PLD1: variants seen among roughly 807,000 people sequenced by gnomAD.
The protein encoded by PLD1 is phospholipase D1.
In PLD1, 112 loss-of-function variants were observed where a neutral mutation model predicts 137.1. The observed-to-expected ratio is 0.82, with a 90% confidence interval of 0.70 to 0.96. The LOEUF (loss-of-function observed/expected upper bound fraction) is 0.96, where lower values mean the gene tolerates loss of function less well. PLD1 is among the 40% of genes least tolerant of loss of function. PLD1 has a pLI of 0.00. For missense variants in PLD1, 1,321 were observed against 1,342.0 expected (o/e 0.98, Z 0.24); for synonymous variants, 431 against 454.7 (o/e 0.95, Z 0.66).
At chr3:171,748,431 T>A (rs1475039644) in intron 1 of PLD1, among the ~76,000 whole-genome samples, 2 of 152,196 alleles carry the variant, frequency 1.3e-5, no homozygotes, top group Admixed American at 1.3e-4. Flanking sequence ...TGCATTCCTT[T>A]CTTTCACTTC....
chr3:171,711,802 C>G lies in PLD1; in HGVS notation c.911+2091G>C, dbSNP rs145283339. Among the ~76,000 whole-genome samples the G allele has an allele frequency of 5.7e-4, 62 of 108,636 alleles. No individual in the cohort carries two copies. In the East Asian group the frequency reaches 0.015, roughly 26 times the overall value. The allele number at this position is 108,636 out of a possible 152,430, so 71.3% of individuals were successfully genotyped here. A position where few individuals can be genotyped will look rare whatever the true frequency, so the allele number is the denominator to read the frequency against. On this transcript the variant is annotated intron_variant, in intron 9 of 26. Transcript: ENST00000351298. Reference sequence around the variant, plus strand: ...ATAACTAAACTATCCTAAACTCTTACAGAGTTATAAATGCTAAAAAAAAAA... The same window carrying G: ...ATAACTAAACTATCCTAAACTCTTAGAGAGTTATAAATGCTAAAAAAAAAA...
chr3:171,737,902 C>A lies in PLD1; in HGVS notation c.150G>T (p.Lys50Asn). 1 of 1,613,614 alleles carries A rather than the reference C, an allele frequency of 6.2e-7. No individual in the cohort carries two copies. Among genetic ancestry groups the A allele is most frequent in the African/African-American group, 1.3e-5 (1 of 74,970 alleles). ...VDYDVSPSDPKIQEVYIPFSA... is the reference protein window; with the variant it reads ...VDYDVSPSDPNIQEVYIPFSA... ...ATCATCCGTCTTTACCTTCTTGTAT[C>A]TTGGGATCGCTGGGAGACACGTCGT... The change falls in exon 2 of 27, where the codon AAG (lysine) becomes AAT (asparagine). Residue 50 changes from lysine (K) to asparagine (N), a missense_variant. Physicochemically the swap from Lys to Asn is moderately conservative, Grantham distance 94. Transcript: ENST00000351298.
rs36100351 is a variant in PLD1, at chr3:171,768,010, C to CATT, written c.-31-29931_-31-29929dup. The stretch of plus-strand genomic sequence containing the variant: ...ACTTAGGAAATGACTTTTATGTGTT[C>CATT]ATTATTATTATTATTATTATTATTA... On this transcript the variant is annotated intron_variant, in intron 1 of 26. Coordinates refer to ENST00000351298, the MANE Select transcript of PLD1 (RefSeq NM_002662.5). 7.5e-3 allele frequency among the ~76,000 whole-genome samples: 1,110 copies of CATT among 148,908 alleles called. 6 individuals carry two copies. The highest frequency in any genetic ancestry group is 0.021 in the African/African-American group (860 of 40,584).
At chr3:171,667,401 A>G (rs3774037) in intron 19 of PLD1, among the ~76,000 whole-genome samples, 26,946 of 152,272 alleles carry the variant, frequency 0.18, 2,514 homozygotes, top group South Asian at 0.24. Flanking sequence ...CACAGTGTGC[A>G]GTTATTCACA....
At chr3:171,804,201 C>A (rs756848345) in intron 1 of PLD1, among the ~76,000 whole-genome samples, 3 of 152,128 alleles carry the variant, frequency 2.0e-5, no homozygotes, top group Non-Finnish European at 4.4e-5. Flanking sequence ...CAATCCCAAC[C>A]CATGGCTACC....
intron 1 of PLD1, among the ~76,000 whole-genome samples, chr3:171,750,096 A>C (rs1720546516): frequency 6.6e-6 from 1 of 152,250 alleles, no homozygotes; most frequent in Non-Finnish European, 1.5e-5. Context: ...GATGTGCTCC[A>C]TTGTGAAGAG....
chr3:171,689,707 G>A (rs111750520), intron 13 of PLD1, among the ~76,000 whole-genome samples: 7,273 of 152,136 alleles, frequency 0.048, 558 homozygotes, highest in African/African-American at 0.16. Flanking sequence ...TTGCTATGTT[G>A]CTAATGCTGG....
In PLD1 at chr3:171,737,075, G is replaced by A. The variant is rs567852706; in HGVS notation, c.288+457C>T. Among the ~76,000 whole-genome samples the A allele has an allele frequency of 6.6e-4, 100 of 152,328 alleles. 1 individual carries two copies. The Middle Eastern group carries it at 0.024, about 36-fold the overall frequency. ...GTATTTTGAGGTAATGGCACTGGCCGATCCAGTATCCCGGCTTTTTTTCTT... is the reference window on the plus strand; with the variant it reads ...GTATTTTGAGGTAATGGCACTGGCCAATCCAGTATCCCGGCTTTTTTTCTT... On this transcript the variant is annotated intron_variant, in intron 3 of 26. Coordinates refer to ENST00000351298, the MANE Select transcript of PLD1 (RefSeq NM_002662.5).
intron 1 of PLD1, among the ~76,000 whole-genome samples, chr3:171,807,291 T>C (rs920995915): frequency 1.6e-4 from 22 of 136,380 alleles, no homozygotes; most frequent in Non-Finnish European, 2.9e-4. Flanking sequence ...TGAGACCCTG[T>C]CTCAAAAAAA....
intron 23 of PLD1, among the ~76,000 whole-genome samples, chr3:171,625,032 T>C (rs1733965279): frequency 6.6e-6 from 1 of 151,756 alleles, no homozygotes; most frequent in Non-Finnish European, 1.5e-5. Flanking sequence ...GCATAGTTCA[T>C]GCATTCAAAA....
At chr3:171,791,548 C>A (rs1014164679) in intron 1 of PLD1, among the ~76,000 whole-genome samples, 1 of 151,888 alleles carries the variant, frequency 6.6e-6, no homozygotes, top group African/African-American at 2.4e-5. Context: ...AAAAAAATAT[C>A]AGGCCTGTGA....
At chr3:171,791,171 T>G (rs1020636861) in intron 1 of PLD1, among the ~76,000 whole-genome samples, 1 of 152,166 alleles carries the variant, frequency 6.6e-6, no homozygotes, top group East Asian at 1.9e-4. Context: ...TGGAATAGAA[T>G]TTCATATGGC....
chr3:171,674,411 T>G, intron 19 of PLD1, 89 bp downstream of exon 19: 1 of 570,772 alleles, frequency 1.8e-6, no homozygotes, highest in Admixed American at 3.0e-5. Flanking sequence ...CATTGAAAAA[T>G]CTGAAGCCAA....
chr3:171,715,453 G>A (rs1717602437), intron 8 of PLD1, among the ~76,000 whole-genome samples: 1 of 152,078 alleles, frequency 6.6e-6, no homozygotes, highest in South Asian at 2.1e-4. Flanking sequence ...TGGCTGTTCA[G>A]GGTCTTTTGT....
chr3:171,730,090 A>G (rs1193350953), intron 6 of PLD1, among the ~76,000 whole-genome samples: 1 of 152,180 alleles, frequency 6.6e-6, no homozygotes, highest in Non-Finnish European at 1.5e-5. Context: ...ATTGCTCCTT[A>G]TTCCTCTGAT....
intron 1 of PLD1, chr3:171,790,046 A>C (rs1238195444): frequency 6.6e-6 from 1 of 152,244 alleles, no homozygotes; most frequent in Admixed American, 6.5e-5. Flanking sequence ...ATCAAGTACT[A>C]ATCTACTGCT....
chr3:171,720,827 A>G (rs1718075158), intron 8 of PLD1, among the ~76,000 whole-genome samples: 1 of 152,218 alleles, frequency 6.6e-6, no homozygotes, highest in Non-Finnish European at 1.5e-5. Flanking sequence ...AAGTTTAAAA[A>G]GAGGGGGCAT....
At chr3:171,765,797 T>C (rs1721944134) in intron 1 of PLD1, among the ~76,000 whole-genome samples, 1 of 152,200 alleles carries the variant, frequency 6.6e-6, no homozygotes, top group African/African-American at 2.4e-5. Context: ...CATCACATCA[T>C]CAACTGCGTT....
intron 7 of PLD1, among the ~76,000 whole-genome samples, chr3:171,725,204 TA>T (rs1718416050): frequency 6.6e-6 from 1 of 151,924 alleles, no homozygotes; most frequent in Non-Finnish European, 1.5e-5. Context: ...TATATAAATA[TA>T]AAAAAATGTT....
Sources: allele counts gnomAD v4.1 joint callset (sites outside exome capture counted in the v4.1 genomes callset), GRCh38; gene constraint gnomAD v4.1.1; transcripts MANE v1.5; gene names NCBI Gene and HGNC (gene_info 2026-07-23, HGNC 2026-07-21).